NDST1: variants seen among roughly 807,000 people sequenced by gnomAD.
NDST1 encodes N-deacetylase and N-sulfotransferase 1, also known as bifunctional heparan sulfate N-deacetylase/N-sulfotransferase 1.
NDST1 carries 35 observed loss-of-function variants against 92.8 expected under a neutral mutation model. The observed-to-expected ratio is 0.38, with a 90% CI of 0.29 to 0.50. The LOEUF is 0.50. NDST1 is among the 20% of genes least tolerant of loss of function. The probability of loss-of-function intolerance (pLI) is 0.94; values close to 1 mark genes in which losing one functional copy is unlikely to be tolerated. For missense variants in NDST1, 822 were observed against 1,182.7 expected, an observed-to-expected ratio of 0.69 and a Z score of 4.47; for synonymous variants, 493 against 500.3, an observed-to-expected ratio of 0.99 and a Z score of 0.19.
Position 150,535,928 on chromosome 5 carries a change from GCA to G in NDST1, c.1437+46_1437+47del. The G allele has an allele frequency of 1.9e-6, 3 of 1,590,936 alleles. No individual in the cohort carries two copies. In the South Asian group the frequency reaches 3.4e-5, roughly 18 times the overall value. ...AGCCCAGGAGGTGGGAGAATGGAGA[GCA>G]CAGTCTGTCATGTGTGTGCATACGC... On this transcript the variant is annotated intron_variant, in intron 6 of 14. Coordinates refer to ENST00000261797, the MANE Select transcript of NDST1 (RefSeq NM_001543.5).
chr5:150,531,591 C>T (rs1754740532), intron 3 of NDST1, among the ~76,000 whole-genome samples: 1 of 151,266 alleles, frequency 6.6e-6, no homozygotes, highest in African/African-American at 2.4e-5. Context: ...CCTCCGCCTC[C>T]TGGGTTCAAG....
chr5:150,532,361 A>G (rs1754782154), intron 3 of NDST1, among the ~76,000 whole-genome samples: 1 of 152,196 alleles, frequency 6.6e-6, no homozygotes. Context: ...TCAAGGACAC[A>G]TAGCAGAGCT....
chr5:150,546,860 G>A (rs1323916427), intron 11 of NDST1, among the ~76,000 whole-genome samples: 1 of 152,222 alleles, frequency 6.6e-6, no homozygotes, highest in African/African-American at 2.4e-5. Context: ...CTGCTTTCCT[G>A]TGGCTTTTTC....
chr5:150,544,068 C>T (rs1003857365), intron 10 of NDST1, among the ~76,000 whole-genome samples: 5 of 152,226 alleles, frequency 3.3e-5, no homozygotes, highest in Non-Finnish European at 2.9e-5. Flanking sequence ...TGCGCCACTG[C>T]GCCCGGCCCA....
At position 150,528,063 on chromosome 5, in the gene NDST1, T is replaced by G; in HGVS notation, c.773T>G (p.Leu258Arg). 8.1e-6 allele frequency: 13 copies of G among 1,613,656 alleles called. No individual in the cohort carries two copies. The highest frequency in any genetic ancestry group is 1.1e-5 in the Non-Finnish European group (13 of 1,179,742). The change falls in exon 3 of 15, where the codon CTG becomes CGG. Residue 258 changes from leucine to arginine, a missense_variant. Leu to Arg is a moderately radical substitution (Grantham distance 102). Transcript: ENST00000261797. ...CCACACCTGGGCGCAGACGCCGGCC[T>G]GCATGCTGCACTGCACGCCACTGTG... The part of the protein sequence containing the change: ...SIPHLGADAG[L>R]HAALHATVVQ...
chr5:150,538,952 C>T (rs550005981), intron 6 of NDST1, among the ~76,000 whole-genome samples: 10 of 152,386 alleles, frequency 6.6e-5, no homozygotes, highest in African/African-American at 2.2e-4. Flanking sequence ...GCCGTGGCTG[C>T]AGCAGTCCCA....
Position 150,554,166 on chromosome 5 carries a change from G to C in NDST1, c.*834G>C. ...CCAGCCTCAGGCCCAGGCAGACATG[G>C]GCGAGCTGGTGAGACTGCCAGCCAC... On this transcript the variant is annotated 3_prime_UTR_variant, in exon 15 of 15. Transcript: ENST00000261797. 2.5e-6 allele frequency: 1 copy of C among 398,878 alleles called. No homozygotes were observed. Among genetic ancestry groups the C allele is most frequent in the South Asian group, 1.3e-4 (1 of 7,854 alleles). The allele number at this position is 398,878 out of a possible 1,614,324, so 24.7% of individuals were successfully genotyped here. A position where few individuals can be genotyped will look rare whatever the true frequency, so the allele number is the denominator to read the frequency against.
chr5:150,540,413 C>A, intron 8 of NDST1, 149 bp downstream of exon 8: 1 of 831,022 alleles, frequency 1.2e-6, no homozygotes, highest in Non-Finnish European at 1.8e-6. Context: ...TACTTACCAG[C>A]ATGGGTGCGT....
chr5:150,519,129 T>C (rs1754124065), intron 1 of NDST1, among the ~76,000 whole-genome samples: 1 of 152,238 alleles, frequency 6.6e-6, no homozygotes, highest in Non-Finnish European at 1.5e-5. Context: ...TTTGCTGTTA[T>C]AAGCAGCACT....
rs192539907 is a variant in NDST1 at position 150,542,449 on chromosome 5, C to T, written c.1847-399C>T. On this transcript the variant is annotated intron_variant, in intron 9 of 14. Coordinates refer to ENST00000261797, the MANE Select transcript of NDST1 (RefSeq NM_001543.5). ...ACTGCAGGGTGACAAACTCCCTTTT[C>T]CCTGAGCTCCTACCAAGTGCCAGAG... Among the ~76,000 whole-genome samples the T allele has an allele frequency of 1.5e-3, 227 of 152,294 alleles. 1 individual carries two copies. The highest frequency in any genetic ancestry group is 5.3e-3 in the African/African-American group (222 of 41,548).
chr5:150,505,533 A>C (rs987638566), upstream of NDST1, among the ~76,000 whole-genome samples: 1 of 152,208 alleles, frequency 6.6e-6, no homozygotes, highest in Non-Finnish European at 1.5e-5. Flanking sequence ...GAGGCCAAGC[A>C]TTTAACAAAG....
rs757294061 is a variant in NDST1 at position 150,521,296 on chromosome 5, G to C, written c.42G>C (p.Val14=). The C allele has an allele frequency of 6.2e-7, 1 of 1,612,426 alleles. No homozygotes were observed. The highest frequency in any genetic ancestry group is 8.5e-7 in the Non-Finnish European group (1 of 1,179,914). Residue 14 remains valine, a synonymous_variant, in exon 2 of 15, where the codon GTG becomes GTC. Transcript: ENST00000261797. This position sits in a 1 kb window ranked among gnomAD's most constrained non-coding sequence, Gnocchi z 5.9. ...GCCTCCGGAGGCTGTGTCGGCACGT[G>C]TCCCCGCAGGCTGTCCTTTTCCTGC... ...LACLRRLCRH[V]SPQAVLFLLF... is the part of the protein sequence containing the mutation.
chr5:150,507,820 C>T (rs1454753981), upstream of NDST1: 3 of 152,364 alleles, frequency 2.0e-5, no homozygotes, highest in African/African-American at 7.2e-5. Flanking sequence ...GGTCAGAAGA[C>T]CCACTAGCAT....
intron 8 of NDST1, among the ~76,000 whole-genome samples, chr5:150,541,118 T>C (rs1755226836): frequency 1.3e-5 from 2 of 152,234 alleles, no homozygotes; most frequent in African/African-American, 2.4e-5. Flanking sequence ...AAGAACGTTT[T>C]ATTGGCAGAC....
At chr5:150,545,251 A>G (rs2151299358) in intron 10 of NDST1, 61 bp from the exon 11 acceptor site, 2 of 1,592,590 alleles carry the variant, frequency 1.3e-6, no homozygotes, top group South Asian at 2.2e-5. Context: ...CTTGTGCTGC[A>G]TTCCCTTAGC....
chr5:150,525,444 C>T (rs1045078175), intron 2 of NDST1, among the ~76,000 whole-genome samples: 4 of 152,164 alleles, frequency 2.6e-5, no homozygotes, highest in Admixed American at 2.0e-4. Context: ...TGGCCCCTAC[C>T]GCTTTTGTCC....
Position 150,552,972 on chromosome 5 carries a change from G to A in NDST1, c.2530-241G>A, listed in dbSNP as rs538676870. The stretch of plus-strand genomic sequence containing the variant: ...AAAGATTCTCTTGCCTCAGACTCCC[G>A]AGTAGCTGGGATTACTGGCGCCCAC... On this transcript the variant is annotated intron_variant, in intron 14 of 14. Coordinates refer to ENST00000261797, the MANE Select transcript of NDST1 (RefSeq NM_001543.5). Among the ~76,000 whole-genome samples the A allele has an allele frequency of 5.9e-5, 9 of 152,090 alleles. No homozygotes were observed. The South Asian group carries it at 1.0e-3, about 18-fold the overall frequency.
At chr5:150,507,025 A>G (rs115601378), upstream of NDST1, among the ~76,000 whole-genome samples, 1,288 of 152,324 alleles carry the variant, frequency 8.5e-3, 16 homozygotes, top group African/African-American at 0.029. Context: ...AGGCTCTGGC[A>G]TCTTCCAGAG....
chr5:150,550,143 C>T (rs1029159308), intron 13 of NDST1, among the ~76,000 whole-genome samples: 2 of 150,742 alleles, frequency 1.3e-5, no homozygotes, highest in Admixed American at 6.6e-5. Context: ...CTCTGTTGCC[C>T]AGGCTGGAGT....
Sources: gnomAD v4.1 joint callset for allele counts (sites outside exome capture counted in the v4.1 genomes callset) on GRCh38, gnomAD v4.1.1 for gene constraint, Gnocchi (gnomAD v3.1) non-coding constraint, MANE v1.5 for transcripts, NCBI Gene and HGNC (gene_info 2026-07-23, HGNC 2026-07-21) for gene names.